MCTP1: variants seen among roughly 807,000 people sequenced by gnomAD.
MCTP1 encodes the protein multiple C2 and transmembrane domain-containing protein 1.
A neutral mutation model predicts 120.6 loss-of-function variants in MCTP1; 69 were observed. The ratio of observed to expected loss-of-function variants is 0.57; its 90% CI spans 0.47 to 0.70. MCTP1 has a LOEUF of 0.70. Among genes scored for constraint, MCTP1 ranks in the 30% least tolerant of loss-of-function variants. MCTP1 has a pLI of 0.00. For synonymous variants in MCTP1, 529 were observed against 493.1 expected, an observed-to-expected ratio of 1.07 and a Z score of -0.96; for missense variants, 1,203 against 1,248.8, an observed-to-expected ratio of 0.96 and a Z score of 0.55.
In MCTP1 at chr5:94,771,306, T is replaced by G. The variant is rs1022618204; in HGVS notation, c.2610+7804A>C. Among the ~76,000 whole-genome samples, 7 of 152,256 alleles carry G rather than the reference T, an allele frequency of 4.6e-5. No individual in the cohort carries two copies. The East Asian group carries it at 1.4e-3, about 29-fold the overall frequency. Reference sequence around the variant, plus strand: ...TGTGTGCATGTTTTGTGTCCTCTTCTGGGGAGAAAGTGTAAATCTTCAGAT... The same window carrying G: ...TGTGTGCATGTTTTGTGTCCTCTTCGGGGGAGAAAGTGTAAATCTTCAGAT... On this transcript the variant is annotated intron_variant, in intron 19 of 22. Coordinates refer to ENST00000515393, the MANE Select transcript of MCTP1 (RefSeq NM_024717.7).
intron 1 of MCTP1, among the ~76,000 whole-genome samples, chr5:95,093,623 A>G (rs1023638867): frequency 1.3e-5 from 2 of 152,138 alleles, no homozygotes; most frequent in Admixed American, 1.3e-4. Context: ...TTTTTCATGT[A>G]AGAAGAATTT....
intron 17 of MCTP1, among the ~76,000 whole-genome samples, chr5:94,823,519 C>G (rs961238050): frequency 1.3e-5 from 2 of 152,118 alleles, no homozygotes. Context: ...ATTGTCTTGG[C>G]TATATGGGGT....
chr5:95,011,234 T>C (rs1835874014), intron 2 of MCTP1, among the ~76,000 whole-genome samples: 1 of 152,132 alleles, frequency 6.6e-6, no homozygotes. Context: ...CATCTATTGA[T>C]GATATTTTGC....
chr5:95,072,740 AT>A (rs11421165), intron 1 of MCTP1, among the ~76,000 whole-genome samples: 311 of 95,244 alleles, frequency 3.3e-3, no homozygotes, highest in African/African-American at 0.01. Flanking sequence ...CTTAGCAACT[AT>A]TTTTTTTTTT....
chr5:95,177,860 G>T (rs181613972), intron 1 of MCTP1, among the ~76,000 whole-genome samples: 1 of 152,190 alleles, frequency 6.6e-6, no homozygotes, highest in Non-Finnish European at 1.5e-5. Context: ...TACTATACCA[G>T]GTGGGATCCC....
intron 17 of MCTP1, among the ~76,000 whole-genome samples, chr5:94,854,642 A>G (rs1794403368): frequency 6.6e-6 from 1 of 151,828 alleles, no homozygotes; most frequent in Non-Finnish European, 1.5e-5. Flanking sequence ...GAGTTTCTCC[A>G]ATAAATAAAT....
At chr5:95,097,726 G>A (rs1022394850) in intron 1 of MCTP1, among the ~76,000 whole-genome samples, 6 of 152,318 alleles carry the variant, frequency 3.9e-5, no homozygotes, top group African/African-American at 7.2e-5. Flanking sequence ...CAGGTAGCCT[G>A]GATGAAGGTG....
chr5:95,194,484 A>G (rs1010030706), intron 1 of MCTP1, among the ~76,000 whole-genome samples: 1 of 152,192 alleles, frequency 6.6e-6, no homozygotes, highest in Non-Finnish European at 1.5e-5. Flanking sequence ...AAATGATTTG[A>G]GGGAAAAACA....
At chr5:95,277,258 T>C (rs935760794) in intron 1 of MCTP1, among the ~76,000 whole-genome samples, 3 of 152,122 alleles carry the variant, frequency 2.0e-5, no homozygotes, top group Non-Finnish European at 4.4e-5. Flanking sequence ...CCATCCTCCA[T>C]GGGAGCACAA....
intron 1 of MCTP1, among the ~76,000 whole-genome samples, chr5:95,066,491 C>A (rs1750697605): frequency 6.6e-6 from 1 of 152,166 alleles, no homozygotes; most frequent in Non-Finnish European, 1.5e-5. Flanking sequence ...AGCAATCTCA[C>A]TACTGGGTAT....
intron 19 of MCTP1, among the ~76,000 whole-genome samples, chr5:94,775,597 G>A (rs745800372): frequency 5.3e-5 from 8 of 152,148 alleles, no homozygotes; most frequent in Admixed American, 6.5e-5. Context: ...CTATAACAAA[G>A]GGAATTGAGA....
chr5:94,798,424 G>A (rs2153015824), intron 18 of MCTP1, among the ~76,000 whole-genome samples: 1 of 152,216 alleles, frequency 6.6e-6, no homozygotes, highest in South Asian at 2.1e-4. Context: ...CCAGAGGACA[G>A]GTAGATTTAG....
intron 1 of MCTP1, among the ~76,000 whole-genome samples, chr5:95,258,588 G>A (rs1386452307): frequency 6.6e-5 from 10 of 152,064 alleles, no homozygotes; most frequent in Admixed American, 5.9e-4. Flanking sequence ...AATCCATGTT[G>A]GTTCGTTAAT....
chr5:94,908,379 A>G (rs2153432868), intron 10 of MCTP1, among the ~76,000 whole-genome samples: 1 of 152,188 alleles, frequency 6.6e-6, no homozygotes, highest in East Asian at 1.9e-4. Context: ...CATAAAAAAA[A>G]TCAAGAGATA....
chr5:95,000,086 CCCA>C (rs1833379118), intron 2 of MCTP1, among the ~76,000 whole-genome samples: 1 of 152,084 alleles, frequency 6.6e-6, no homozygotes. Flanking sequence ...TGATGGTGGT[CCCA>C]CAAGATTATC....
At chr5:95,234,536 T>G (rs977061609) in intron 1 of MCTP1, among the ~76,000 whole-genome samples, 1 of 152,194 alleles carries the variant, frequency 6.6e-6, no homozygotes, top group East Asian at 1.9e-4. Context: ...AGGGAAAGAC[T>G]GAGGAAACGA....
intron 19 of MCTP1, among the ~76,000 whole-genome samples, chr5:94,715,269 G>A (rs554437600): frequency 2.7e-5 from 4 of 147,662 alleles, no homozygotes; most frequent in Admixed American, 7.0e-5. Flanking sequence ...TTTCTTGACC[G>A]CACTGCCCAT....
chr5:95,041,472 A>G (rs533010947), intron 1 of MCTP1, among the ~76,000 whole-genome samples: 5 of 152,296 alleles, frequency 3.3e-5, no homozygotes, highest in African/African-American at 1.2e-4. Context: ...AAAGTACTTT[A>G]AACGTTTAAT....
At chr5:94,743,631 A>ATTTTTTT (rs34620641) in intron 19 of MCTP1, among the ~76,000 whole-genome samples, 2 of 86,664 alleles carry the variant, frequency 2.3e-5, no homozygotes, top group Admixed American at 1.3e-4. Context: ...CAAAATCCAC[A>ATTTTTTT]TTTTTTTTTT....
Sources: allele counts gnomAD v4.1 joint callset (sites outside exome capture counted in the v4.1 genomes callset), GRCh38; gene constraint gnomAD v4.1.1; transcripts MANE v1.5; gene names NCBI Gene and HGNC (gene_info 2026-07-23, HGNC 2026-07-21).